The following CARF variants were observed in gnomAD, a reference collection of about 807,000 sequenced individuals.
CARF encodes the protein calcium responsive transcription factor.
A neutral mutation model predicts 82.0 loss-of-function variants in CARF; 57 were observed. The observed-to-expected ratio is 0.70, with a 90% CI of 0.56 to 0.87. CARF has a LOEUF of 0.87. CARF is among the 40% of genes least tolerant of loss of function. CARF has a pLI of 0.00. For synonymous variants in CARF, 268 were observed against 290.1 expected (o/e 0.92, Z 0.77); for missense variants, 771 against 855.8 (o/e 0.90, Z 1.24).
At position 202,957,769 on chromosome 2, in the gene CARF, A is replaced by G. The variant is rs1014374035; in HGVS notation, c.642+2011A>G. On this transcript the variant is annotated intron_variant, in intron 8 of 16. Coordinates refer to ENST00000438828, the MANE Select transcript of CARF (RefSeq NM_024744.17). ...CAGGAGTTCGAGAGCAGCCTGGCCA[A>G]CGTGGCGAAACCCCATCTCTGCTAA... Among the ~76,000 whole-genome samples the G allele has an allele frequency of 2.6e-5, 4 of 152,238 alleles. No homozygotes were observed. The East Asian group carries it at 7.7e-4, about 29-fold the overall frequency.
chr2:202,973,584 G>T, intron 12 of CARF: 2 of 334,296 alleles, frequency 6.0e-6, no homozygotes, highest in Non-Finnish European at 1.2e-5. Flanking sequence ...TTATTTACTA[G>T]GTAGGTGTAT....
chr2:202,976,757 C>A (rs1450300990), intron 13 of CARF, among the ~76,000 whole-genome samples: 1 of 147,000 alleles, frequency 6.8e-6, no homozygotes, highest in East Asian at 2.0e-4. Flanking sequence ...TGTCACCCAG[C>A]CAGAGTGCAT....
Position 202,955,756 on chromosome 2 carries a change from G to T in CARF, c.640G>T (p.Glu214Ter). The T allele has an allele frequency of 6.2e-7, 1 of 1,607,620 alleles. No individual in the cohort carries two copies. The highest frequency in any genetic ancestry group is 1.1e-5 in the South Asian group (1 of 90,046). Residue 214 changes from glutamate (E) to a stop codon, truncating the protein, a stop_gained and splice_region_variant, in exon 8 of 17, where the codon GAG (glutamate) becomes TAG (stop). Coordinates refer to ENST00000438828, the MANE Select transcript of CARF (RefSeq NM_024744.17). LOFTEE classifies it high-confidence loss of function. ...ATGGGCCTGCCGTCTTAGGAGCTGT[G>T]AGGTGAGTTATAAATAATCATTACC... ...PIWACRLRSC[E>*]KIGDSYRGYC...
rs2060354041 is a variant in CARF, at chr2:202,983,671, C to T, written c.*47C>T. ...TTACAACTCTGGTGACTTCTGATGTCTTAGAAAGGAAGGTGAATATAGTCA... is the reference window on the plus strand; with the variant it reads ...TTACAACTCTGGTGACTTCTGATGTTTTAGAAAGGAAGGTGAATATAGTCA... On this transcript the variant is annotated 3_prime_UTR_variant, in exon 17 of 17. Transcript: ENST00000438828. 4 of 1,180,646 alleles carry T rather than the reference C, an allele frequency of 3.4e-6. No individual in the cohort carries two copies. Among genetic ancestry groups the T allele is most frequent in the African/African-American group, 1.5e-5 (1 of 65,080 alleles). The allele number at this position is 1,180,646 out of a possible 1,614,324, so 73.1% of individuals were successfully genotyped here. A position where few individuals can be genotyped will look rare whatever the true frequency, so the allele number is the denominator to read the frequency against.
chr2:202,942,651 T>A (rs2058284488), intron 4 of CARF, 89 bp from the exon 5 acceptor site: 1 of 1,115,258 alleles, frequency 9.0e-7, no homozygotes, highest in Non-Finnish European at 1.2e-6. Context: ...TAAAAACAAC[T>A]GAAAAATGGA....
chr2:202,964,702 A>T (rs1482940393), intron 9 of CARF, among the ~76,000 whole-genome samples: 1 of 152,016 alleles, frequency 6.6e-6, no homozygotes, highest in African/African-American at 2.4e-5. Flanking sequence ...TTCCAGCTTC[A>T]ACAACTATCA....
chr2:202,951,432 A>T (rs1360065048), intron 5 of CARF, among the ~76,000 whole-genome samples: 5 of 152,096 alleles, frequency 3.3e-5, no homozygotes, highest in African/African-American at 9.7e-5. Context: ...CGTGGGTTGG[A>T]ATGATTAAGG....
intron 6 of CARF, 92 bp downstream of exon 6, chr2:202,952,771 G>T: frequency 8.0e-7 from 1 of 1,243,216 alleles, no homozygotes; most frequent in South Asian, 1.8e-5. Flanking sequence ...TGCTAAAGTT[G>T]ATTTCTTTAG....
chr2:202,928,044 AAATGCTAGGATTACAGGCATGAGCAAC>A (rs1692190594), intron 3 of CARF, among the ~76,000 whole-genome samples: 1 of 152,054 alleles, frequency 6.6e-6, no homozygotes, highest in Admixed American at 6.6e-5. Context: ...TGACCTCCCA[AAATGCTAGGATTACAGGCATGAGCAAC>A]CGCACTCTGT....
In CARF at chr2:202,987,800, T is replaced by G. The variant is rs1303485633; in HGVS notation, c.*4176T>G. Among the ~76,000 whole-genome samples the G allele has an allele frequency of 3.3e-5, 5 of 152,316 alleles. No homozygotes were observed. Among genetic ancestry groups the G allele is most frequent in the African/African-American group, 1.2e-4 (5 of 41,570 alleles). ...ATCATGTACCAGGAGGGATTTTATT[T>G]TTAAATATCTTTATTGAGGTATAAT... On this transcript the variant is annotated 3_prime_UTR_variant, in exon 17 of 17. Coordinates refer to ENST00000438828, the MANE Select transcript of CARF (RefSeq NM_024744.17).
intron 8 of CARF, 103 bp downstream of exon 8, chr2:202,955,861 A>C: frequency 1.5e-6 from 1 of 687,788 alleles, no homozygotes; most frequent in Non-Finnish European, 2.4e-6. Context: ...CTATAGTTAC[A>C]GTATTTTGTT....
intron 12 of CARF, among the ~76,000 whole-genome samples, chr2:202,972,943 T>A (rs574066464): frequency 3.1e-4 from 47 of 152,312 alleles, no homozygotes; most frequent in African/African-American, 8.7e-4. Flanking sequence ...TTGTTTTTTT[T>A]AACTTTTTTT....
intron 5 of CARF, among the ~76,000 whole-genome samples, chr2:202,945,452 C>G (rs964031220): frequency 6.6e-6 from 1 of 152,122 alleles, no homozygotes; most frequent in Admixed American, 6.6e-5. Context: ...TTTTTCAGCT[C>G]CTCTCCCTCC....
intron 5 of CARF, among the ~76,000 whole-genome samples, chr2:202,947,489 A>G (rs912359944): frequency 8.6e-5 from 13 of 151,980 alleles, no homozygotes; most frequent in African/African-American, 3.1e-4. Flanking sequence ...GGGTAGGGGG[A>G]AAGAGGATGG....
Position 202,939,681 on chromosome 2 carries a change from TTTTC to T in CARF, c.-43-2175_-43-2172del, listed in dbSNP as rs1409435393. On this transcript the variant is annotated intron_variant, in intron 3 of 16. Transcript: ENST00000438828. ...TCTATTTAACTTACCCATTGCCTTTTTTTCTTTTTTTTTTTTTTTTTTTTTGAGA... is the reference window on the plus strand; with the variant it reads ...TCTATTTAACTTACCCATTGCCTTTTTTTTTTTTTTTTTTTTTTTTTGAGA... Among the ~76,000 whole-genome samples, 46 of 147,884 alleles carry T rather than the reference TTTTC, an allele frequency of 3.1e-4. 1 individual carries two copies. The highest frequency in any genetic ancestry group is 6.1e-4 in the African/African-American group (25 of 40,976).
At chr2:202,961,496 C>G in intron 9 of CARF, 70 bp downstream of exon 9, 1 of 1,373,886 alleles carries the variant, frequency 7.3e-7, no homozygotes, top group Non-Finnish European at 1.0e-6. Flanking sequence ...TGTGATTTTC[C>G]TAAGGTGATA....
intron 14 of CARF, among the ~76,000 whole-genome samples, chr2:202,978,422 C>T (rs569389121): frequency 7.2e-5 from 11 of 152,000 alleles, no homozygotes; most frequent in Non-Finnish European, 1.3e-4. Context: ...GTTGAGGGAA[C>T]GTATTTTAAG....
chr2:202,923,523 C>G (rs1013488945), intron 2 of CARF, among the ~76,000 whole-genome samples: 1 of 152,168 alleles, frequency 6.6e-6, no homozygotes, highest in African/African-American at 2.4e-5. Context: ...TGGGTAGAAT[C>G]AGTACTGTGA....
At chr2:202,943,065 G>T (rs1198738410) in intron 5 of CARF, 98 bp downstream of exon 5, 3 of 918,910 alleles carry the variant, frequency 3.3e-6, no homozygotes, top group Non-Finnish European at 1.7e-6. Flanking sequence ...GACTTACATT[G>T]TGTTTATTTA....
Sources: gnomAD v4.1 joint callset for allele counts (sites outside exome capture counted in the v4.1 genomes callset) on GRCh38, gnomAD v4.1.1 for gene constraint, MANE v1.5 for transcripts, NCBI Gene and HGNC (gene_info 2026-07-23, HGNC 2026-07-21) for gene names.